SLC5A7: variants seen among roughly 807,000 people sequenced by gnomAD.
SLC5A7 encodes high affinity choline transporter 1.
In SLC5A7, 19 loss-of-function variants were observed where a neutral mutation model predicts 55.4. That is an observed-to-expected ratio of 0.34 (90% confidence interval 0.24 to 0.50). The LOEUF is 0.50. Ranked by LOEUF, SLC5A7 falls within the 20% of genes least tolerant of loss-of-function variation. SLC5A7 has a pLI of 0.98. For missense variants in SLC5A7, 506 were observed against 705.3 expected, an observed-to-expected ratio of 0.72 and a Z score of 3.20; for synonymous variants, 265 against 263.7, an observed-to-expected ratio of 1.00 and a Z score of -0.05.
intron 7 of SLC5A7, 89 bp downstream of exon 7, chr2:108,006,291 A>G: frequency 3.5e-6 from 5 of 1,431,874 alleles, no homozygotes; most frequent in Non-Finnish European, 3.9e-6. Context: ...TCTTTCCTCC[A>G]CATAGTGAAT....
At chr2:108,008,408 G>A in intron 7 of SLC5A7, 57 bp from the exon 8 acceptor site, 2 of 1,403,004 alleles carry the variant, frequency 1.4e-6, no homozygotes, top group African/African-American at 2.8e-5. Flanking sequence ...GACCCCAGAT[G>A]GATAAAGAAC....
In SLC5A7 at chr2:107,997,980, A is replaced by G; in HGVS notation, c.591A>G (p.Val197=). The G allele has an allele frequency of 6.2e-7, 1 of 1,611,074 alleles. No individual in the cohort carries two copies. Among genetic ancestry groups the G allele is most frequent in the Non-Finnish European group, 8.5e-7 (1 of 1,178,748 alleles). Residue 197 remains valine, a synonymous_variant, in exon 5 of 9, where the codon GTA becomes GTG. Transcript: ENST00000264047. ...TCGTTCAGCTCTTTTGCATTTTTGT[A>G]GGGCTGGTAAGTGGGAGCACCCAAG... ...TDVVQLFCIF[V]GLWISVPFAL... is the part of the protein sequence containing the mutation.
chr2:108,011,566 A>G lies in SLC5A7; in HGVS notation c.*705A>G, dbSNP rs1678330481. The G allele has an allele frequency of 1.3e-5, 2 of 152,308 alleles. No homozygotes were observed. Among genetic ancestry groups the G allele is most frequent in the Admixed American group, 1.3e-4 (2 of 15,284 alleles). 9.4% of individuals were successfully genotyped at this position (152,308 alleles called of 1,614,324 possible). ...GTATGTTTCCATAGCTACTATATGC[A>G]TAAACAACAGTACCTGAAGGATTAT... On this transcript the variant is annotated 3_prime_UTR_variant, in exon 9 of 9. Coordinates refer to ENST00000264047, the MANE Select transcript of SLC5A7 (RefSeq NM_021815.5).
chr2:108,010,521 A>G lies in SLC5A7; in HGVS notation c.1403A>G (p.Asp468Gly). 6.2e-7 allele frequency: 1 copy of G among 1,613,958 alleles called. No individual in the cohort carries two copies. Among genetic ancestry groups the G allele is most frequent in the Non-Finnish European group, 8.5e-7 (1 of 1,179,912 alleles). The change falls in exon 9 of 9, where the codon GAT becomes GGT. Residue 468 changes from aspartate (D) to glycine (G), a missense_variant. By Grantham distance (94) the Asp-to-Gly change is moderately conservative. Coordinates refer to ENST00000264047, the MANE Select transcript of SLC5A7 (RefSeq NM_021815.5). The part of the protein sequence containing the change: ...PLIFYPGYYP[D>G]DNGIYNQKFP... ...ATCTTCTACCCTGGCTATTACCCTG[A>G]TGATAATGGTATATATAATCAGAAA...
rs1486596345 is a variant in SLC5A7 at position 108,013,818 on chromosome 2, TATC to T, written c.*2959_*2961del. ...CAGCAAGCTTGTAGCTGGACTGCAATATCAACAACAAGTTGTTTCAAACAGCAT... is the reference window on the plus strand; with the variant it reads ...CAGCAAGCTTGTAGCTGGACTGCAATAACAACAAGTTGTTTCAAACAGCAT... On this transcript the variant is annotated 3_prime_UTR_variant, in exon 9 of 9. Coordinates refer to ENST00000264047, the MANE Select transcript of SLC5A7 (RefSeq NM_021815.5). The T allele has an allele frequency of 2.0e-5, 3 of 152,148 alleles. No individual in the cohort carries two copies. Among genetic ancestry groups the T allele is most frequent in the African/African-American group, 7.2e-5 (3 of 41,446 alleles). 9.4% of individuals were successfully genotyped at this position (152,148 alleles called of 1,614,324 possible).
chr2:107,993,274 G>GTT (rs879343721), intron 4 of SLC5A7, 147 bp downstream of exon 4: 2 of 827,368 alleles, frequency 2.4e-6, no homozygotes, highest in Non-Finnish European at 3.7e-6. Context: ...AAGCTTAATG[G>GTT]AAATTCTACG....
chr2:108,010,645 T>G lies in SLC5A7; in HGVS notation c.1527T>G (p.Pro509=). The G allele has an allele frequency of 6.2e-7, 1 of 1,613,986 alleles. No homozygotes were observed. ...TATTTGAAAGTGGAACCTTGCCACC[T>G]AAATTAGATGTATTTGATGCTGTTG... The part of the protein sequence containing the change: ...KYLFESGTLP[P]KLDVFDAVVA... The change falls in exon 9 of 9, where the codon CCT becomes CCG. Residue 509 remains proline, a synonymous_variant. Transcript: ENST00000264047.
At chr2:108,006,747 C>G (rs1262943424) in intron 7 of SLC5A7, among the ~76,000 whole-genome samples, 1 of 152,106 alleles carries the variant, frequency 6.6e-6, no homozygotes, top group Non-Finnish European at 1.5e-5. Flanking sequence ...GAGATGGGCA[C>G]TAGTGTTCTT....
intron 6 of SLC5A7, among the ~76,000 whole-genome samples, chr2:108,005,420 T>C (rs1292186467): frequency 6.6e-6 from 1 of 152,218 alleles, no homozygotes; most frequent in African/African-American, 2.4e-5. Context: ...AACCACCAGA[T>C]GATAACAAAT....
Position 108,001,989 on chromosome 2 carries a change from A to G in SLC5A7, c.690A>G (p.Gly230=). 1 of 1,614,186 alleles carries G rather than the reference A, an allele frequency of 6.2e-7. No individual in the cohort carries two copies. Among genetic ancestry groups the G allele is most frequent in the South Asian group, 1.1e-5 (1 of 91,082 alleles). ...VHAKYQKPWL[G]TVDSSEVYSW... ...CCAAATACCAAAAGCCGTGGCTGGG[A>G]ACTGTTGACTCATCTGAAGTCTACT... Residue 230 remains glycine, a synonymous_variant, in exon 6 of 9, where the codon GGA becomes GGG. Coordinates refer to ENST00000264047, the MANE Select transcript of SLC5A7 (RefSeq NM_021815.5).
intron 7 of SLC5A7, 151 bp downstream of exon 7, chr2:108,006,353 G>A (rs1037236063): frequency 1.2e-5 from 6 of 501,300 alleles, no homozygotes; most frequent in South Asian, 2.9e-5. Context: ...TCAGTAAATC[G>A]TATTATATAG....
At chr2:107,991,958 G>T (rs938039778) in intron 2 of SLC5A7, 148 bp from the exon 3 acceptor site, 19 of 417,896 alleles carry the variant, frequency 4.5e-5, no homozygotes, top group Non-Finnish European at 6.6e-5. Context: ...TTTGAAATCT[G>T]GTGTTTATTT....
chr2:108,008,814 C>T (rs910376505), intron 8 of SLC5A7, 132 bp downstream of exon 8: 10 of 615,930 alleles, frequency 1.6e-5, no homozygotes, highest in African/African-American at 7.7e-5. Flanking sequence ...TTTAAGCATA[C>T]GAGATTAAAT....
rs151242210 is a variant in SLC5A7, at chr2:107,993,567, C to A, written c.448+440C>A. 2.5e-3 allele frequency among the ~76,000 whole-genome samples: 373 copies of A among 152,242 alleles called. 4 individuals are homozygous for A. Among genetic ancestry groups the A allele is most frequent in the African/African-American group, 8.5e-3 (354 of 41,538 alleles). On this transcript the variant is annotated intron_variant, in intron 4 of 8. Transcript: ENST00000264047. ...AAATAAATGATTTATATCTTAATTT[C>A]TTCCAATAAGTGTTCTTCCTGCAAA...
chr2:108,008,805 T>G, intron 8 of SLC5A7, 123 bp downstream of exon 8: 1 of 654,446 alleles, frequency 1.5e-6, no homozygotes, highest in Non-Finnish European at 2.3e-6. Context: ...TGACTGTACT[T>G]TAAGCATACG....
rs917487810 is a variant in SLC5A7, at chr2:107,992,310, T to G, written c.292+91T>G. On this transcript the variant is annotated intron_variant, in intron 3 of 8. Coordinates refer to ENST00000264047, the MANE Select transcript of SLC5A7 (RefSeq NM_021815.5). ...AAGTGGAATAACAAGTCAAACACTC[T>G]GAATAACCATTGTAAAAAAATGTCC... is the stretch of plus-strand genomic sequence containing the variant. The G allele has an allele frequency of 3.3e-5, 22 of 676,130 alleles. No homozygotes were observed. In the African/African-American group the frequency reaches 3.4e-4, roughly 11 times the overall value. 41.9% of individuals were successfully genotyped at this position (676,130 alleles called of 1,614,324 possible).
intron 5 of SLC5A7, among the ~76,000 whole-genome samples, chr2:108,000,670 C>T (rs560049938): frequency 6.6e-6 from 1 of 152,182 alleles, no homozygotes; most frequent in South Asian, 2.1e-4. Context: ...TTACCACTTA[C>T]TGCTGCCTCT....
intron 8 of SLC5A7, among the ~76,000 whole-genome samples, chr2:108,009,838 A>C (rs531662452): frequency 2.6e-5 from 4 of 152,300 alleles, no homozygotes; most frequent in Middle Eastern, 3.4e-3. Flanking sequence ...CACTTCTACA[A>C]AGAGATAAAC....
intron 6 of SLC5A7, among the ~76,000 whole-genome samples, chr2:108,005,532 C>T (rs1678074284): frequency 6.6e-6 from 1 of 152,166 alleles, no homozygotes. Context: ...GGAAATTCTG[C>T]ATAATTGAAA....
Sources: allele counts gnomAD v4.1 joint callset (sites outside exome capture counted in the v4.1 genomes callset), GRCh38; gene constraint gnomAD v4.1.1; transcripts MANE v1.5; gene names NCBI Gene and HGNC (gene_info 2026-07-23, HGNC 2026-07-21).